Variants in ADAMTSL3 observed in about 807,000 individuals in gnomAD.
ADAMTSL3 encodes ADAMTS-like protein 3.
Under a neutral mutation model 201.7 loss-of-function variants are expected in ADAMTSL3, and 128 were observed. The observed-to-expected ratio is 0.63, with a 90% confidence interval of 0.55 to 0.73. The LOEUF (loss-of-function observed/expected upper bound fraction) is 0.73. ADAMTSL3 is among the 30% of genes least tolerant of loss of function. ADAMTSL3 has a pLI of 0.00. For synonymous variants in ADAMTSL3, 738 were observed against 748.4 expected, an observed-to-expected ratio of 0.99 and a Z score of 0.23; for missense variants, 1,990 against 2,119.6, an observed-to-expected ratio of 0.94 and a Z score of 1.20.
chr15:83,891,995 A>G (rs1411319666), intron 12 of ADAMTSL3, among the ~76,000 whole-genome samples: 6 of 151,320 alleles, frequency 4.0e-5, no homozygotes, highest in Non-Finnish European at 8.8e-5. Context: ...CAGGCGGATC[A>G]CTTGAGGTCA....
intron 4 of ADAMTSL3, among the ~76,000 whole-genome samples, chr15:83,780,861 A>T (rs1233983848): frequency 6.6e-6 from 1 of 152,176 alleles, no homozygotes; most frequent in African/African-American, 2.4e-5. Context: ...GACAGTTGTC[A>T]TACACACAAA....
At chr15:83,822,941 C>G (rs2063915465) in intron 6 of ADAMTSL3, among the ~76,000 whole-genome samples, 1 of 152,006 alleles carries the variant, frequency 6.6e-6, no homozygotes, top group African/African-American at 2.4e-5. Flanking sequence ...GTCTGCAATC[C>G]CGGCACCTCG....
chr15:83,767,762 G>A (rs538022257), intron 3 of ADAMTSL3, among the ~76,000 whole-genome samples: 103 of 152,218 alleles, frequency 6.8e-4, no homozygotes, highest in African/African-American at 2.2e-3. Context: ...ATTTGATGAC[G>A]GTAATTGGTA....
intron 2 of ADAMTSL3, among the ~76,000 whole-genome samples, chr15:83,674,794 T>TA (rs1352312915): frequency 7.1e-6 from 1 of 141,310 alleles, no homozygotes; most frequent in African/African-American, 2.6e-5. Context: ...TATATAAATC[T>TA]TGCTGGAATT....
intron 3 of ADAMTSL3, among the ~76,000 whole-genome samples, chr15:83,709,951 A>G (rs1187600580): frequency 1.3e-5 from 2 of 152,084 alleles, no homozygotes; most frequent in Non-Finnish European, 2.9e-5. Flanking sequence ...CCTATGTTTT[A>G]TGAATTCTTT....
chr15:83,827,905 G>T (rs1227348541), intron 6 of ADAMTSL3, among the ~76,000 whole-genome samples: 12 of 152,174 alleles, frequency 7.9e-5, no homozygotes, highest in Admixed American at 1.3e-4. Flanking sequence ...GTACCATGCT[G>T]CTTTGGTTAC....
intron 5 of ADAMTSL3, among the ~76,000 whole-genome samples, chr15:83,815,562 T>C (rs1352177382): frequency 6.6e-6 from 1 of 152,246 alleles, no homozygotes; most frequent in Non-Finnish European, 1.5e-5. Flanking sequence ...TCCCTAAATG[T>C]CAAATAGACT....
Position 83,793,507 on chromosome 15 carries a change from C to T in ADAMTSL3, c.318-11143C>T, listed in dbSNP as rs561819337. Among the ~76,000 whole-genome samples, 4 of 151,740 alleles carry T rather than the reference C, an allele frequency of 2.6e-5. No homozygotes were observed. In the South Asian group the frequency reaches 6.2e-4, roughly 24 times the overall value. ...GTTGTTGTTGTTTGAGATGAAGTCT[C>T]GCTTTGTTGCCCAGGCTGGAGTGCA... On this transcript the variant is annotated intron_variant, in intron 4 of 29. Transcript: ENST00000286744.
At chr15:83,796,539 C>G (rs1266799481) in intron 4 of ADAMTSL3, among the ~76,000 whole-genome samples, 1 of 152,114 alleles carries the variant, frequency 6.6e-6, no homozygotes. Context: ...TATAGGAAAT[C>G]TCAACATCAT....
At chr15:83,809,222 A>G (rs2063654081) in intron 5 of ADAMTSL3, among the ~76,000 whole-genome samples, 1 of 152,180 alleles carries the variant, frequency 6.6e-6, no homozygotes, top group Non-Finnish European at 1.5e-5. Flanking sequence ...TAATGTATAC[A>G]TGTATTGAAA....
At chr15:83,995,241 G>T (rs112620910) in intron 23 of ADAMTSL3, among the ~76,000 whole-genome samples, 1 of 152,184 alleles carries the variant, frequency 6.6e-6, no homozygotes, top group South Asian at 2.1e-4. Flanking sequence ...GTTGATTTGG[G>T]TGGAGCATCT....
chr15:83,983,422 C>T, intron 21 of ADAMTSL3, 78 bp downstream of exon 21: 7 of 1,077,142 alleles, frequency 6.5e-6, no homozygotes, highest in Non-Finnish European at 9.2e-6. Flanking sequence ...AAAATATTTT[C>T]AAATTCCTCT....
intron 8 of ADAMTSL3, among the ~76,000 whole-genome samples, chr15:83,861,025 C>T (rs186533194): frequency 1.3e-5 from 2 of 152,332 alleles, no homozygotes; most frequent in South Asian, 2.1e-4. Context: ...TTATATCCCA[C>T]GTCTGGCTCA....
chr15:84,019,911 A>AT (rs2068165929), intron 25 of ADAMTSL3, among the ~76,000 whole-genome samples: 1 of 150,908 alleles, frequency 6.6e-6, no homozygotes, highest in South Asian at 2.1e-4. Flanking sequence ...AAAAAAAAAA[A>AT]GAAACCAAAT....
In ADAMTSL3 at chr15:83,890,109, G is replaced by C; in HGVS notation, c.1073G>C (p.Gly358Ala). The C allele has an allele frequency of 6.2e-7, 1 of 1,611,370 alleles. No individual in the cohort carries two copies. The highest frequency in any genetic ancestry group is 8.5e-7 in the Non-Finnish European group (1 of 1,178,838). ...FFPCTVTCGG[G>A]YQLNSAECVD... is the part of the protein sequence containing the mutation. Reference sequence around the variant, plus strand: ...AGACTTGCCTTTTCTAACACTTTAGGTTATCAGCTCAATTCTGCTGAATGT... The same window carrying C: ...AGACTTGCCTTTTCTAACACTTTAGCTTATCAGCTCAATTCTGCTGAATGT... Residue 358 changes from glycine to alanine, a missense_variant and splice_region_variant, in exon 11 of 30, where the codon GGT (glycine) becomes GCT (alanine). By Grantham distance (60) the Gly-to-Ala change is moderately conservative. Transcript: ENST00000286744.
At chr15:83,953,651 C>T (rs1292901723) in intron 19 of ADAMTSL3, among the ~76,000 whole-genome samples, 1 of 152,100 alleles carries the variant, frequency 6.6e-6, no homozygotes, top group Non-Finnish European at 1.5e-5. Context: ...CAGGTGATTT[C>T]TTCTTGCTTA....
intron 2 of ADAMTSL3, among the ~76,000 whole-genome samples, chr15:83,683,246 A>G (rs1303263822): frequency 6.6e-6 from 1 of 152,154 alleles, no homozygotes; most frequent in African/African-American, 2.4e-5. Flanking sequence ...TCCTCCAAAT[A>G]GTGTGGCCAA....
chr15:83,855,262 T>C (rs1033444297), intron 7 of ADAMTSL3, among the ~76,000 whole-genome samples: 3 of 152,182 alleles, frequency 2.0e-5, no homozygotes, highest in Admixed American at 6.6e-5. Context: ...TTTTCAGGAA[T>C]ATGTTGGAGT....
At chr15:84,007,656 A>T (rs1024162058) in intron 23 of ADAMTSL3, among the ~76,000 whole-genome samples, 8 of 152,218 alleles carry the variant, frequency 5.3e-5, no homozygotes, top group African/African-American at 1.9e-4. Flanking sequence ...ATGTTAGCAG[A>T]TCATAAAACA....
Sources: gnomAD v4.1 joint callset for allele counts (sites outside exome capture counted in the v4.1 genomes callset) on GRCh38, gnomAD v4.1.1 for gene constraint, MANE v1.5 for transcripts, NCBI Gene and HGNC (gene_info 2026-07-23, HGNC 2026-07-21) for gene names.